Variants in LARS1 observed in about 807,000 individuals in gnomAD.
LARS1 encodes the protein leucine--tRNA ligase, cytoplasmic.
In LARS1, 100 loss-of-function variants were observed where a neutral mutation model predicts 162.8. The observed-to-expected ratio is 0.61, with a 90% CI of 0.52 to 0.73. The LOEUF (loss-of-function observed/expected upper bound fraction) is 0.73. Among genes scored for constraint, LARS1 ranks in the 30% least tolerant of loss-of-function variants. LARS1 has a pLI of 0.00. For missense variants in LARS1, 1,258 were observed against 1,408.9 expected, an observed-to-expected ratio of 0.89 and a Z score of 1.71; for synonymous variants, 457 against 462.8, an observed-to-expected ratio of 0.99 and a Z score of 0.16.
intron 10 of LARS1, among the ~76,000 whole-genome samples, chr5:146,156,638 G>C (rs1753541235): frequency 6.6e-6 from 1 of 151,838 alleles, no homozygotes; most frequent in South Asian, 2.1e-4. Flanking sequence ...GAGGTGCAGT[G>C]AGCTGAGATC....
At chr5:146,142,770 A>T (rs1752841354) in intron 20 of LARS1, 102 bp downstream of exon 20, 5 of 883,258 alleles carry the variant, frequency 5.7e-6, no homozygotes, top group Non-Finnish European at 8.6e-6. Flanking sequence ...TAACTGGCAA[A>T]TCTATACCAT....
At chr5:146,157,888 A>C in intron 8 of LARS1, 93 bp from the exon 9 acceptor site, 1 of 1,242,754 alleles carries the variant, frequency 8.0e-7, no homozygotes, top group Non-Finnish European at 1.2e-6. Flanking sequence ...AAGTCCCTAA[A>C]ATGGGTTCTT....
intron 15 of LARS1, among the ~76,000 whole-genome samples, chr5:146,146,949 T>TACAA (rs1753036932): frequency 1.3e-5 from 2 of 152,008 alleles, no homozygotes; most frequent in African/African-American, 2.4e-5. Flanking sequence ...TGACCTCAAG[T>TACAA]GATCCACCGG....
chr5:146,149,629 A>G lies in LARS1; in HGVS notation c.1496T>C (p.Ile499Thr), dbSNP rs774104303. ...DVKKTIQKKMIDAGDALIYME... is the reference protein window; with the variant it reads ...DVKKTIQKKMTDAGDALIYME... The stretch of plus-strand genomic sequence containing the variant: ...GCATAGCCTATCACATACAGCGTCA[A>G]TCATCTTTTTCTGAATAGTCTTCTT... The change falls in exon 15 of 32, where the codon ATT (isoleucine) becomes ACT (threonine). Residue 499 changes from isoleucine to threonine, a missense_variant. By Grantham distance (89) the Ile-to-Thr change is moderately conservative (BLOSUM62 -1). Transcript: ENST00000394434. 5.3e-5 allele frequency: 85 copies of G among 1,610,278 alleles called. No homozygotes were observed. The highest frequency in any genetic ancestry group is 7.1e-5 in the Non-Finnish European group (83 of 1,176,728).
At position 146,143,380 on chromosome 5, in the gene LARS1, AT is replaced by A. The variant is rs529269637; in HGVS notation, c.1877+31del. The A allele has an allele frequency of 1.5e-3, 2,383 of 1,588,958 alleles. 2 individuals are homozygous for A. The highest frequency in any genetic ancestry group is 1.8e-3 in the Non-Finnish European group (2,081 of 1,165,924). ...CAAATATCACAACTCTTACTGACAA[AT>A]TATGCTCCTTTCCCTTATCTGTTTA... On this transcript the variant is annotated intron_variant, in intron 19 of 31. Coordinates refer to ENST00000394434, the MANE Select transcript of LARS1 (RefSeq NM_020117.11).
chr5:146,128,025 C>T (rs1455769904), intron 27 of LARS1, among the ~76,000 whole-genome samples: 2 of 152,046 alleles, frequency 1.3e-5, no homozygotes, highest in East Asian at 3.8e-4. Context: ...TTTTAATAAC[C>T]TAAGCAAAAA....
intron 4 of LARS1, among the ~76,000 whole-genome samples, chr5:146,169,829 G>A (rs1489293489): frequency 6.6e-6 from 1 of 152,070 alleles, no homozygotes; most frequent in East Asian, 1.9e-4. Context: ...GATTACAGGC[G>A]TGAGCCACCG....
chr5:146,160,107 G>A (rs1753712172), intron 7 of LARS1, among the ~76,000 whole-genome samples: 1 of 152,084 alleles, frequency 6.6e-6, no homozygotes, highest in African/African-American at 2.4e-5. Flanking sequence ...GGAAAAGGTA[G>A]GCTACAAGGT....
At chr5:146,134,384 G>A in intron 22 of LARS1, among the ~76,000 whole-genome samples, 1 of 152,184 alleles carries the variant, frequency 6.6e-6, no homozygotes, top group Non-Finnish European at 1.5e-5. Flanking sequence ...TATCTTGTAA[G>A]AAACAGACTA....
rs1262156452 is a variant in LARS1, at chr5:146,168,240, T to C, written c.320A>G (p.Glu107Gly). 1.2e-6 allele frequency: 2 copies of C among 1,612,988 alleles called. No individual in the cohort carries two copies. Among genetic ancestry groups the C allele is most frequent in the African/African-American group, 2.7e-5 (2 of 74,848 alleles). ...AGGGGGGCAACCATACAGCTCTATT[T>C]CTCTTTTCAACTTATCAGCACATGC... ...IKACADKLKR[E>G]IELYGCPPDF... The change falls in exon 5 of 32, where the codon GAA (glutamate) becomes GGA (glycine). Residue 107 changes from glutamate (E) to glycine (G), a missense_variant. By Grantham distance (98) the Glu-to-Gly change is moderately conservative (BLOSUM62 -2). Coordinates refer to ENST00000394434, the MANE Select transcript of LARS1 (RefSeq NM_020117.11).
chr5:146,182,635 C>G lies in LARS1; in HGVS notation c.-142G>C. 8.8e-7 allele frequency: 1 copy of G among 1,133,700 alleles called. No homozygotes were observed. The highest frequency in any genetic ancestry group is 2.0e-4 in the Middle Eastern group (1 of 5,036). 70.2% of individuals were successfully genotyped at this position (1,133,700 alleles called of 1,614,324 possible). On this transcript the variant is annotated 5_prime_UTR_variant, in exon 1 of 32. The change abolishes an upstream ATG in the 5' untranslated region. Transcript: ENST00000394434. ...CACGCTTCACACCTGCTGAGGCAATCATCCGGCTCCTTACTAACTACAGCC... is the reference window on the plus strand; with the variant it reads ...CACGCTTCACACCTGCTGAGGCAATGATCCGGCTCCTTACTAACTACAGCC...
At chr5:146,122,637 C>G (rs990043047) in intron 29 of LARS1, 50 bp from the exon 30 acceptor site, 1 of 963,634 alleles carries the variant, frequency 1.0e-6, no homozygotes, top group African/African-American at 1.6e-5. Flanking sequence ...TAATGTGATT[C>G]AAATTAATCA....
intron 15 of LARS1, 123 bp downstream of exon 15, chr5:146,149,499 G>A (rs938961479): frequency 3.6e-5 from 26 of 724,736 alleles, no homozygotes; most frequent in East Asian, 1.3e-4. Flanking sequence ...ATTTTCTGCC[G>A]CAAAACTGTA....
chr5:146,172,384 T>G (rs1754322054), intron 3 of LARS1, among the ~76,000 whole-genome samples: 1 of 151,748 alleles, frequency 6.6e-6, no homozygotes, highest in Non-Finnish European at 1.5e-5. Context: ...GGCGTGGTGG[T>G]GCGTGCCTGT....
Position 146,161,261 on chromosome 5 carries a change from T to C in LARS1, c.595-775A>G, listed in dbSNP as rs183771490. ...GTGCTGGTGGAGAGTCTTGCCTCGA[T>C]GACGGCTGCTGACTGATGAGAGAAG... On this transcript the variant is annotated intron_variant, in intron 6 of 31. Transcript: ENST00000394434. Among the ~76,000 whole-genome samples the C allele has an allele frequency of 2.6e-5, 4 of 152,344 alleles. No homozygotes were observed. In the East Asian group the frequency reaches 7.7e-4, roughly 29 times the overall value.
intron 8 of LARS1, among the ~76,000 whole-genome samples, chr5:146,158,700 T>A (rs1362014883): frequency 1.3e-5 from 2 of 152,172 alleles, no homozygotes; most frequent in African/African-American, 4.8e-5. Context: ...TGGTCACATA[T>A]CTTATTACCT....
chr5:146,144,666 G>T lies in LARS1; in HGVS notation c.1547C>A (p.Ser516Tyr). 6.2e-7 allele frequency: 1 copy of T among 1,613,920 alleles called. No homozygotes were observed. The highest frequency in any genetic ancestry group is 1.6e-4 in the Middle Eastern group (1 of 6,062). ...IYMEPEKQVMSRSSDECVVAL... is the reference protein window; with the variant it reads ...IYMEPEKQVMYRSSDECVVAL... ...CACAACACATTCATCTGACGACCTGGACATCACTTGTTTCTCTGGTTCCAT... is the reference window on the plus strand; with the variant it reads ...CACAACACATTCATCTGACGACCTGTACATCACTTGTTTCTCTGGTTCCAT... Residue 516 changes from serine to tyrosine, a missense_variant, in exon 16 of 32, where the codon TCC becomes TAC. Ser to Tyr is a moderately radical substitution (Grantham distance 144). Coordinates refer to ENST00000394434, the MANE Select transcript of LARS1 (RefSeq NM_020117.11).
At chr5:146,147,554 A>G (rs1753068557) in intron 15 of LARS1, among the ~76,000 whole-genome samples, 3 of 152,156 alleles carry the variant, frequency 2.0e-5, no homozygotes, top group Admixed American at 6.5e-5. Context: ...ACGATTCTTT[A>G]AAAATAAGTT....
chr5:146,116,812 G>C (rs1049570910), intron 31 of LARS1, among the ~76,000 whole-genome samples: 1 of 152,106 alleles, frequency 6.6e-6, no homozygotes, highest in Non-Finnish European at 1.5e-5. Flanking sequence ...AGTTCCTCCC[G>C]GACCCAGATC....
Sources: allele counts gnomAD v4.1 joint callset (sites outside exome capture counted in the v4.1 genomes callset), GRCh38; gene constraint gnomAD v4.1.1; transcripts MANE v1.5; gene names NCBI Gene and HGNC (gene_info 2026-07-23, HGNC 2026-07-21).